Variants in STAB2 observed in about 807,000 individuals in gnomAD.
STAB2 encodes the protein stabilin 2.
STAB2 carries 288 observed loss-of-function variants against 338.1 expected under a neutral mutation model. That is an observed-to-expected ratio of 0.85 (90% CI 0.77 to 0.94). The LOEUF (loss-of-function observed/expected upper bound fraction) is 0.94, where lower values mean the gene tolerates loss of function less well. Ranked by LOEUF, STAB2 falls within the 40% of genes least tolerant of loss-of-function variation. STAB2 has a pLI of 0.00. For synonymous variants in STAB2, 1,202 were observed against 1,193.3 expected (o/e 1.01, Z -0.15); for missense variants, 3,141 against 3,210.1 (o/e 0.98, Z 0.52).
Position 103,695,725 on chromosome 12 carries a change from T to C in STAB2, c.3475-12T>C, listed in dbSNP as rs367736345. ...GGAATCCCTCATGCACTCTTGTCTC[T>C]TTCCATCGCAGCAATATAATCTGGC... On this transcript the variant is annotated splice_polypyrimidine_tract_variant and intron_variant, in intron 32 of 68. Coordinates refer to ENST00000388887, the MANE Select transcript of STAB2 (RefSeq NM_017564.10). 1.5e-4 allele frequency: 238 copies of C among 1,614,206 alleles called. No homozygotes were observed. In the African/African-American group the frequency reaches 3.0e-3, roughly 20 times the overall value.
intron 41 of STAB2, 66 bp from the exon 42 acceptor site, chr12:103,713,577 G>A (rs1880054331): frequency 6.3e-7 from 1 of 1,595,728 alleles, no homozygotes; most frequent in Non-Finnish European, 8.6e-7. Context: ...TCAATGACTT[G>A]AGGAAAAATA....
Position 103,650,887 on chromosome 12 carries a change from A to G in STAB2, c.1257+309A>G, listed in dbSNP as rs1593182916. 3.3e-5 allele frequency among the ~76,000 whole-genome samples: 5 copies of G among 152,186 alleles called. No individual in the cohort carries two copies. In the South Asian group the frequency reaches 1.0e-3, roughly 32 times the overall value. The stretch of plus-strand genomic sequence containing the variant: ...CATTACCCTCTACAGGTAACCACTG[A>G]GTGTTCTTAACATATATCCAGGTGA... On this transcript the variant is annotated intron_variant, in intron 11 of 68. Coordinates refer to ENST00000388887, the MANE Select transcript of STAB2 (RefSeq NM_017564.10).
At chr12:103,719,989 G>A (rs1365800967) in intron 44 of STAB2, among the ~76,000 whole-genome samples, 1 of 152,206 alleles carries the variant, frequency 6.6e-6, no homozygotes, top group Non-Finnish European at 1.5e-5. Context: ...TGAGAACAGT[G>A]CAGACGCCCT....
intron 40 of STAB2, 79 bp downstream of exon 40, chr12:103,711,595 C>G: frequency 6.6e-7 from 1 of 1,509,552 alleles, no homozygotes; most frequent in Non-Finnish European, 9.0e-7. Context: ...TCTCTATCCT[C>G]AGGGGATTTG....
At chr12:103,690,760 C>A (rs576663639) in intron 30 of STAB2, among the ~76,000 whole-genome samples, 2 of 152,314 alleles carry the variant, frequency 1.3e-5, no homozygotes, top group South Asian at 4.1e-4. Flanking sequence ...ATGTGGCCTT[C>A]TGCCCACTGA....
At chr12:103,681,613 CTT>C (rs907234037) in intron 25 of STAB2, among the ~76,000 whole-genome samples, 358 of 92,858 alleles carry the variant, frequency 3.9e-3, no homozygotes, top group African/African-American at 0.015. Context: ...TTCCCCCCTA[CTT>C]TTTTTTTTTT....
At chr12:103,596,148 T>C (rs1956872435) in intron 3 of STAB2, among the ~76,000 whole-genome samples, 1 of 152,240 alleles carries the variant, frequency 6.6e-6, no homozygotes, top group Non-Finnish European at 1.5e-5. Context: ...CTTCCAGATT[T>C]TAAGAACATT....
chr12:103,678,118 A>C (rs1876555409), intron 25 of STAB2, among the ~76,000 whole-genome samples: 1 of 152,162 alleles, frequency 6.6e-6, no homozygotes, highest in Admixed American at 6.5e-5. Flanking sequence ...ACCTCTTTCC[A>C]CAGGTAGGAC....
rs1231352840 is a variant in STAB2, at chr12:103,592,713, C to T, written c.216-1682C>T. Among the ~76,000 whole-genome samples, 5 of 152,138 alleles carry T rather than the reference C, an allele frequency of 3.3e-5. No individual in the cohort carries two copies. The East Asian group carries it at 5.8e-4, about 18-fold the overall frequency. On this transcript the variant is annotated intron_variant, in intron 2 of 68. Transcript: ENST00000388887. ...CCCCCTCTTTTTTGTGATAAGAACGCTTAACATAAGATCTCCTGTCTTTGC... is the reference window on the plus strand; with the variant it reads ...CCCCCTCTTTTTTGTGATAAGAACGTTTAACATAAGATCTCCTGTCTTTGC...
chr12:103,746,261 C>G, intron 57 of STAB2: 1 of 212,096 alleles, frequency 4.7e-6, no homozygotes, highest in African/African-American at 2.3e-5. Flanking sequence ...CCATCGGGAA[C>G]CCCTGTCCTT....
Position 103,713,658 on chromosome 12 carries a change from A to G in STAB2, c.4427A>G (p.Glu1476Gly), listed in dbSNP as rs752549166. 8 of 1,614,018 alleles carry G rather than the reference A, an allele frequency of 5.0e-6. No individual in the cohort carries two copies. The highest frequency in any genetic ancestry group is 6.8e-6 in the Non-Finnish European group (8 of 1,179,898). ...TCTTCTATAGCAATCAATGCCTGTG[A>G]GATCAGCAATGGAGGTTGCTCTGCC... ...GTICTAINAC[E>G]ISNGGCSAKA... The change falls in exon 42 of 69, where the codon GAG (glutamate) becomes GGG (glycine). Residue 1476 changes from glutamate (E) to glycine (G), a missense_variant. Coordinates refer to ENST00000388887, the MANE Select transcript of STAB2 (RefSeq NM_017564.10).
At position 103,670,673 on chromosome 12, in the gene STAB2, A is replaced by G. The variant is rs112975150; in HGVS notation, c.2260-23A>G. Reference sequence around the variant, plus strand: ...TGAGAACTATGTGTCCTAATGGCCCATGGGCCCTGCCTTTGCTCCCAGTGT... The same window carrying G: ...TGAGAACTATGTGTCCTAATGGCCCGTGGGCCCTGCCTTTGCTCCCAGTGT... On this transcript the variant is annotated intron_variant, in intron 21 of 68. Coordinates refer to ENST00000388887, the MANE Select transcript of STAB2 (RefSeq NM_017564.10). The G allele has an allele frequency of 2.5e-6, 4 of 1,599,902 alleles. No homozygotes were observed. The African/African-American group carries it at 5.4e-5, about 21-fold the overall frequency.
Position 103,704,594 on chromosome 12 carries a change from C to T in STAB2, c.3880C>T (p.Pro1294Ser). Reference protein sequence around the residue: ...CRTCSSELTCPFGTKSLGNEK... With the variant: ...CRTCSSELTCSFGTKSLGNEK... Reference sequence around the variant, plus strand: ...GACATGCTCCTCAGAGCTGACCTGCCCATTCGGAACTAAATCTCTAGTAAG... The same window carrying T: ...GACATGCTCCTCAGAGCTGACCTGCTCATTCGGAACTAAATCTCTAGTAAG... Residue 1294 changes from proline to serine, a missense_variant, in exon 36 of 69, where the codon CCA (proline) becomes TCA (serine). By Grantham distance (74) the Pro-to-Ser change is moderately conservative (BLOSUM62 -1). Coordinates refer to ENST00000388887, the MANE Select transcript of STAB2 (RefSeq NM_017564.10). 1 of 1,613,610 alleles carries T rather than the reference C, an allele frequency of 6.2e-7. No individual in the cohort carries two copies.
At chr12:103,688,723 A>G (rs1877655563) in intron 28 of STAB2, among the ~76,000 whole-genome samples, 1 of 152,172 alleles carries the variant, frequency 6.6e-6, no homozygotes, top group South Asian at 2.1e-4. Context: ...TTGCTTCTGT[A>G]TGGGGCCTCT....
At chr12:103,703,655 A>G (rs1229264018) in intron 35 of STAB2, among the ~76,000 whole-genome samples, 1 of 152,158 alleles carries the variant, frequency 6.6e-6, no homozygotes, top group Non-Finnish European at 1.5e-5. Context: ...TGGTGCCCCT[A>G]TGGCAGTTAT....
At chr12:103,754,945 CAA>C (rs755475468) in intron 61 of STAB2, 611 of 158,626 alleles carry the variant, frequency 3.9e-3, no homozygotes, top group South Asian at 9.4e-3. Flanking sequence ...GACTCCACCT[CAA>C]AAAAAAAAAA....
rs1200371424 is a variant in STAB2 at position 103,587,310 on chromosome 12, G to A, written c.-167G>A. The A allele has an allele frequency of 3.2e-6, 2 of 620,760 alleles. No homozygotes were observed. The highest frequency in any genetic ancestry group is 5.6e-6 in the Non-Finnish European group (2 of 358,466). The allele number at this position is 620,760 out of a possible 1,614,324, so 38.5% of individuals were successfully genotyped here. On this transcript the variant is annotated 5_prime_UTR_variant, in exon 1 of 69. Coordinates refer to ENST00000388887, the MANE Select transcript of STAB2 (RefSeq NM_017564.10). ...GGATTTGCCATTTTTCCTTTCTGAA[G>A]GCAGGTCTCACCTATCTCCTGGTTC...
chr12:103,636,489 G>T (rs1401580142), intron 6 of STAB2, among the ~76,000 whole-genome samples: 1 of 151,622 alleles, frequency 6.6e-6, no homozygotes, highest in East Asian at 1.9e-4. Flanking sequence ...TAAGATCAGG[G>T]CTCACCTCCT....
At chr12:103,664,489 G>A (rs1342191517) in intron 18 of STAB2, among the ~76,000 whole-genome samples, 8 of 152,206 alleles carry the variant, frequency 5.3e-5, no homozygotes, top group Non-Finnish European at 1.0e-4. Flanking sequence ...CAATACTGCT[G>A]TACATGCACT....
Sources: gnomAD v4.1 joint callset for allele counts (sites outside exome capture counted in the v4.1 genomes callset) on GRCh38, gnomAD v4.1.1 for gene constraint, MANE v1.5 for transcripts, NCBI Gene and HGNC (gene_info 2026-07-23, HGNC 2026-07-21) for gene names.